Variants in UBAP2L observed in about 807,000 individuals in gnomAD.
UBAP2L encodes ubiquitin associated protein 2 like.
In UBAP2L, 12 loss-of-function variants were observed where a neutral mutation model predicts 130.6. The ratio of observed to expected loss-of-function variants is 0.09; its 90% CI spans 0.06 to 0.15. The LOEUF (loss-of-function observed/expected upper bound fraction) is 0.15, where lower values mean the gene tolerates loss of function less well. Among genes scored for constraint, UBAP2L ranks in the 10% least tolerant of loss-of-function variants. The pLI is 1.00. For missense variants in UBAP2L, 965 were observed against 1,332.5 expected (o/e 0.72, Z 4.29); for synonymous variants, 503 against 524.7 (o/e 0.96, Z 0.57).
In UBAP2L at chr1:154,246,316, T is replaced by A; in HGVS notation, c.955T>A (p.Ser319Thr). ...GGCCCAGCCTCTGGTGTTCAGTAATTCGAAGCAGACTGCCATATCACAGCC... is the reference window on the plus strand; with the variant it reads ...GGCCCAGCCTCTGGTGTTCAGTAATACGAAGCAGACTGCCATATCACAGCC... ...SLAQPLVFSN[S>T]KQTAISQPAS... is the part of the protein sequence containing the mutation. Residue 319 changes from serine to threonine, a missense_variant, in exon 11 of 27, where the codon TCG becomes ACG. Coordinates refer to ENST00000428931, the MANE Select transcript of UBAP2L (RefSeq NM_014847.4). The A allele has an allele frequency of 6.2e-7, 1 of 1,613,740 alleles. No individual in the cohort carries two copies. The highest frequency in any genetic ancestry group is 1.1e-5 in the South Asian group (1 of 91,064).
chr1:154,265,575 A>G (rs1683003550), intron 24 of UBAP2L, among the ~76,000 whole-genome samples: 1 of 152,120 alleles, frequency 6.6e-6, no homozygotes, highest in Admixed American at 6.5e-5. Flanking sequence ...GGCTTTTCCT[A>G]TCTTCTTGAC....
intron 12 of UBAP2L, among the ~76,000 whole-genome samples, chr1:154,250,628 C>T (rs1191328021): frequency 3.9e-5 from 6 of 152,000 alleles, no homozygotes; most frequent in Admixed American, 2.6e-4. Flanking sequence ...CCGAGGCGGA[C>T]GGATCACTTG....
rs1157005728 is a variant in UBAP2L at position 154,270,755 on chromosome 1, AGTG to A, written c.*463_*465del. 1 of 1,383,186 alleles carries A rather than the reference AGTG, an allele frequency of 7.2e-7. No homozygotes were observed. Among genetic ancestry groups the A allele is most frequent in the African/African-American group, 1.5e-5 (1 of 67,214 alleles). The allele number at this position is 1,383,186 out of a possible 1,614,324, so 85.7% of individuals were successfully genotyped here. A position where few individuals can be genotyped will look rare whatever the true frequency, so the allele number is the denominator to read the frequency against. ...CAGCATTGTCAGATGAATTAGTTGA[AGTG>A]GTTTTTTTTTTGTTTTTTTTTTTTT... On this transcript the variant is annotated 3_prime_UTR_variant, in exon 27 of 27. Transcript: ENST00000428931.
In UBAP2L at chr1:154,237,075, T is replaced by C. The variant is rs1490892115; in HGVS notation, c.642T>C (p.Tyr214=). 1.2e-6 allele frequency: 2 copies of C among 1,614,190 alleles called. No individual in the cohort carries two copies. The highest frequency in any genetic ancestry group is 1.7e-6 in the Non-Finnish European group (2 of 1,180,028). Residue 214 remains tyrosine, a synonymous_variant, in exon 8 of 27, where the codon TAT becomes TAC. Transcript: ENST00000428931. ...AGCCAGCCAATACTGATGATAACTA[T>C]GGCAATAGCAGCGGCAATACGTGGA... The part of the protein sequence containing the change: ...YAEPANTDDN[Y]GNSSGNTWNN...
intron 24 of UBAP2L, among the ~76,000 whole-genome samples, chr1:154,262,823 T>C (rs1020963397): frequency 6.6e-6 from 1 of 152,150 alleles, no homozygotes; most frequent in Non-Finnish European, 1.5e-5. Flanking sequence ...TCACCCTAAA[T>C]CTTGGTGGGG....
intron 10 of UBAP2L, among the ~76,000 whole-genome samples, chr1:154,245,326 T>C (rs1675061212): frequency 6.6e-6 from 1 of 152,302 alleles, no homozygotes; most frequent in Middle Eastern, 3.4e-3. Context: ...AAGTGTGTTA[T>C]GAGTAACAAA....
intron 25 of UBAP2L, 124 bp from the exon 26 acceptor site, chr1:154,268,633 A>G (rs1571999811): frequency 1.1e-6 from 1 of 889,222 alleles, no homozygotes; most frequent in Non-Finnish European, 1.8e-6. Flanking sequence ...TGTGACTTCA[A>G]GTGTACTGTG....
intron 26 of UBAP2L, chr1:154,269,503 C>A (rs768239674): frequency 4.0e-5 from 45 of 1,121,518 alleles, no homozygotes; most frequent in Non-Finnish European, 4.8e-5. Flanking sequence ...AAAGACTGCG[C>A]GGTCACAAAT....
At chr1:154,252,192 C>G (rs1677871230) in intron 14 of UBAP2L, among the ~76,000 whole-genome samples, 1 of 151,304 alleles carries the variant, frequency 6.6e-6, no homozygotes, top group Admixed American at 6.6e-5. Flanking sequence ...CCAGGCTGGT[C>G]TAGAACTCAT....
At chr1:154,230,654 T>C (rs963115659) in intron 4 of UBAP2L, among the ~76,000 whole-genome samples, 1 of 152,202 alleles carries the variant, frequency 6.6e-6, no homozygotes, top group Admixed American at 6.5e-5. Flanking sequence ...CCTTCCAGCA[T>C]CTTCTGTCTA....
chr1:154,254,816 G>GC lies in UBAP2L; in HGVS notation c.1855-20_1855-19insC. The GC allele has an allele frequency of 6.7e-7, 1 of 1,491,458 alleles. No individual in the cohort carries two copies. Among genetic ancestry groups the GC allele is most frequent in the South Asian group, 1.2e-5 (1 of 81,190 alleles). The allele number at this position is 1,491,458 out of a possible 1,614,324, so 92.4% of individuals were successfully genotyped here. A position where few individuals can be genotyped will look rare whatever the true frequency, so the allele number is the denominator to read the frequency against. ...GAGTTTGTCTGTTTCTTGCTCTTCT[G>GC]TTTTTTTTTTTTTTACCAGAATGGC... On this transcript the variant is annotated intron_variant, in intron 15 of 26. Transcript: ENST00000428931.
At chr1:154,251,425 G>C (rs1235568046) in intron 13 of UBAP2L, 56 bp from the exon 14 acceptor site, 2 of 1,577,634 alleles carry the variant, frequency 1.3e-6, no homozygotes, top group Admixed American at 3.9e-5. Flanking sequence ...GTTTTTTTTA[G>C]TCTTTAGTAA....
chr1:154,249,444 A>C lies in UBAP2L; in HGVS notation c.1213+7A>C. The C allele has an allele frequency of 6.2e-7, 1 of 1,614,086 alleles. No homozygotes were observed. Among genetic ancestry groups the C allele is most frequent in the Non-Finnish European group, 8.5e-7 (1 of 1,180,016 alleles). ...CCATCACTGGTGCAGTATGGTGAGAAGATGGAAAGTGACTTGAATCTTTAA... is the reference window on the plus strand; with the variant it reads ...CCATCACTGGTGCAGTATGGTGAGACGATGGAAAGTGACTTGAATCTTTAA... On this transcript the variant is annotated splice_region_variant and intron_variant, in intron 12 of 26. Transcript: ENST00000428931.
chr1:154,246,907 G>A (rs1675711578), intron 11 of UBAP2L, among the ~76,000 whole-genome samples: 1 of 152,138 alleles, frequency 6.6e-6, no homozygotes, highest in African/African-American at 2.4e-5. Context: ...TCCCAAAGGT[G>A]GCTATACAAG....
chr1:154,257,534 G>A, intron 20 of UBAP2L, 100 bp downstream of exon 20: 1 of 1,286,476 alleles, frequency 7.8e-7, no homozygotes, highest in Non-Finnish European at 1.1e-6. Context: ...ACCAAAACTT[G>A]CACATACTCA....
chr1:154,259,737 G>A (rs1187688220), intron 21 of UBAP2L: 5 of 714,484 alleles, frequency 7.0e-6, no homozygotes, highest in Non-Finnish European at 5.1e-6. Context: ...GGGCATACCC[G>A]TAGACCTTGT....
chr1:154,268,998 C>G (rs1179156717), intron 26 of UBAP2L, 44 bp downstream of exon 26: 1 of 1,605,480 alleles, frequency 6.2e-7, no homozygotes, highest in East Asian at 2.2e-5. Flanking sequence ...CTCTTCCTTC[C>G]TATCCCTTAA....
chr1:154,247,271 G>GT (rs1179262945), intron 11 of UBAP2L, among the ~76,000 whole-genome samples: 4 of 152,130 alleles, frequency 2.6e-5, no homozygotes, highest in South Asian at 2.1e-4. Flanking sequence ...GTCTTAAAAT[G>GT]TTTTTTGTGT....
At chr1:154,255,780 T>C in intron 18 of UBAP2L, 25 bp downstream of exon 18, 2 of 1,612,488 alleles carry the variant, frequency 1.2e-6, no homozygotes, top group Non-Finnish European at 1.7e-6. Context: ...GAGAGGGATG[T>C]GTGGTTTTCT....
Sources: allele counts gnomAD v4.1 joint callset (sites outside exome capture counted in the v4.1 genomes callset), GRCh38; gene constraint gnomAD v4.1.1; transcripts MANE v1.5; gene names NCBI Gene and HGNC (gene_info 2026-07-23, HGNC 2026-07-21).